CATSPERD: variants seen among roughly 807,000 people sequenced by gnomAD.
The protein encoded by CATSPERD is catsper channel auxiliary subunit delta.
A neutral mutation model predicts 98.1 loss-of-function variants in CATSPERD; 86 were observed. That is an observed-to-expected ratio of 0.88 (90% CI 0.74 to 1.05). The LOEUF (loss-of-function observed/expected upper bound fraction) is 1.05, where lower values mean the gene tolerates loss of function less well. Among genes scored for constraint, CATSPERD ranks in the 50% least tolerant of loss-of-function variants. CATSPERD has a pLI of 0.00. For missense variants in CATSPERD, 995 were observed against 1,005.7 expected (o/e 0.99, Z 0.14); for synonymous variants, 394 against 390.2 (o/e 1.01, Z -0.12).
At chr19:5,757,683 T>G (rs1014499810) in intron 13 of CATSPERD, among the ~76,000 whole-genome samples, 160 bp from the exon 14 acceptor site, 1 of 149,386 alleles carries the variant, frequency 6.7e-6, no homozygotes, top group Non-Finnish European at 1.5e-5. Flanking sequence ...TCAAGCAGTC[T>G]TCTCACCTTG....
At chr19:5,760,398 CA>C (rs71172763) in intron 15 of CATSPERD, among the ~76,000 whole-genome samples, 16,609 of 138,734 alleles carry the variant, frequency 0.12, 933 homozygotes, top group East Asian at 0.18. Context: ...AACTCGTTCT[CA>C]AAAAAAAAAA....
chr19:5,773,801 C>T (rs1410717216), intron 20 of CATSPERD, among the ~76,000 whole-genome samples: 2 of 151,166 alleles, frequency 1.3e-5, no homozygotes, highest in Middle Eastern at 3.4e-3. Context: ...TAAGTCACCA[C>T]GCTCAGCCTC....
At chr19:5,740,427 A>G (rs1428470289) in intron 7 of CATSPERD, among the ~76,000 whole-genome samples, 1 of 151,614 alleles carries the variant, frequency 6.6e-6, no homozygotes. Context: ...ATCTCTACTA[A>G]AAATACAAAA....
intron 2 of CATSPERD, 33 bp downstream of exon 2, chr19:5,724,895 CT>C (rs1410268748): frequency 6.2e-7 from 1 of 1,606,586 alleles, no homozygotes; most frequent in African/African-American, 1.3e-5. Context: ...TCATCCTTCA[CT>C]TTTGTCTAAG....
intron 3 of CATSPERD, among the ~76,000 whole-genome samples, chr19:5,728,241 C>G (rs1382898702): frequency 1.3e-5 from 2 of 151,374 alleles, no homozygotes; most frequent in East Asian, 1.9e-4. Flanking sequence ...GCCTGTAGTC[C>G]CAGCTACTCG....
intron 14 of CATSPERD, among the ~76,000 whole-genome samples, chr19:5,758,573 CAAA>C (rs71172762): frequency 2.7e-4 from 30 of 109,642 alleles, no homozygotes; most frequent in South Asian, 3.0e-4. Context: ...ACTAAAAATA[CAAA>C]AAAAAAAAAA....
intron 11 of CATSPERD, among the ~76,000 whole-genome samples, 165 bp from the exon 12 acceptor site, chr19:5,751,482 C>T (rs1355193696): frequency 8.4e-6 from 1 of 118,960 alleles, no homozygotes; most frequent in South Asian, 2.9e-4. Context: ...TGCAGTGAAC[C>T]GAGATGGCGC....
chr19:5,732,553 C>T lies in CATSPERD; in HGVS notation c.277-1303C>T, dbSNP rs186688758. Reference sequence around the variant, plus strand: ...GTTCACACCATTCTCCTCCCTCAGCCTCCCGAGTAGCTGGGACTACAGGCG... The same window carrying T: ...GTTCACACCATTCTCCTCCCTCAGCTTCCCGAGTAGCTGGGACTACAGGCG... On this transcript the variant is annotated intron_variant, in intron 4 of 21. Coordinates refer to ENST00000381624, the MANE Select transcript of CATSPERD (RefSeq NM_152784.4). 4.1e-3 allele frequency among the ~76,000 whole-genome samples: 626 copies of T among 152,228 alleles called. 2 individuals are homozygous for T. Among genetic ancestry groups the T allele is most frequent in the Non-Finnish European group, 7.2e-3 (492 of 68,016 alleles).
chr19:5,745,253 A>G (rs976087150), intron 8 of CATSPERD, among the ~76,000 whole-genome samples: 5 of 150,832 alleles, frequency 3.3e-5, no homozygotes, highest in East Asian at 2.1e-4. Flanking sequence ...GCCTGGCCCA[A>G]TGGTACCATT....
chr19:5,757,806 G>A (rs760600390), intron 13 of CATSPERD, 37 bp from the exon 14 acceptor site: 1 of 1,551,422 alleles, frequency 6.4e-7, no homozygotes, highest in Non-Finnish European at 8.9e-7. Context: ...CTGCCTGCTG[G>A]CTCCGTACAG....
At chr19:5,747,464 G>A (rs900202985) in intron 9 of CATSPERD, among the ~76,000 whole-genome samples, 3 of 151,944 alleles carry the variant, frequency 2.0e-5, no homozygotes, top group South Asian at 2.1e-4. Flanking sequence ...CACCAAACCC[G>A]GCCTGTTTTA....
intron 12 of CATSPERD, among the ~76,000 whole-genome samples, chr19:5,752,534 G>A (rs996240575): frequency 2.6e-5 from 4 of 151,966 alleles, no homozygotes; most frequent in African/African-American, 7.2e-5. Context: ...GATAGTATTC[G>A]TCACCAATAA....
rs143453547 is a variant in CATSPERD at position 5,735,373 on chromosome 19, C to T, written c.391+1403C>T. Among the ~76,000 whole-genome samples the T allele has an allele frequency of 3.3e-3, 498 of 152,226 alleles. 10 individuals are homozygous for T. The highest frequency in any genetic ancestry group is 0.03 in the Admixed American group (462 of 15,266). ...TTGCCCAGGCTGGAGTGCGATCGCA[C>T]GATCTCAGCTCATTGCACCCTCTGC... On this transcript the variant is annotated intron_variant, in intron 5 of 21. Transcript: ENST00000381624.
At chr19:5,768,521 A>G (rs1278475271) in intron 18 of CATSPERD, among the ~76,000 whole-genome samples, 3 of 151,846 alleles carry the variant, frequency 2.0e-5, no homozygotes, top group African/African-American at 7.3e-5. Flanking sequence ...TATTTTTAGT[A>G]GAGATGAGGT....
At chr19:5,735,142 C>T (rs747619527) in intron 5 of CATSPERD, among the ~76,000 whole-genome samples, 9 of 152,036 alleles carry the variant, frequency 5.9e-5, no homozygotes, top group Non-Finnish European at 1.3e-4. Context: ...AAAAACCTTA[C>T]TTTTCTTTTT....
At chr19:5,720,989 T>G (rs1053208823) in intron 1 of CATSPERD, among the ~76,000 whole-genome samples, 181 bp downstream of exon 1, 1 of 147,528 alleles carries the variant, frequency 6.8e-6, no homozygotes, top group African/African-American at 2.5e-5. Flanking sequence ...GATATTAAGC[T>G]CTCCTACCTC....
intron 17 of CATSPERD, among the ~76,000 whole-genome samples, chr19:5,766,579 AT>A (rs74634772): frequency 0.27 from 41,477 of 152,002 alleles, 6,933 homozygotes; most frequent in Admixed American, 0.38. Flanking sequence ...ACTTTCGATT[AT>A]TTAGTTTTGT....
chr19:5,744,699 C>T lies in CATSPERD; in HGVS notation c.657+189C>T, dbSNP rs527845218. 1.1e-3 allele frequency among the ~76,000 whole-genome samples: 172 copies of T among 152,066 alleles called. 2 individuals carry two copies. Among genetic ancestry groups the T allele is most frequent in the African/African-American group, 3.7e-3 (154 of 41,496 alleles). ...CACTGCAACCTCCACCTTTCAACTTCAAGCAATTCTCCTGCCTCAGCCTCC... is the reference window on the plus strand; with the variant it reads ...CACTGCAACCTCCACCTTTCAACTTTAAGCAATTCTCCTGCCTCAGCCTCC... On this transcript the variant is annotated intron_variant, in intron 8 of 21. Transcript: ENST00000381624.
At chr19:5,751,626 C>A in intron 11 of CATSPERD, 21 bp from the exon 12 acceptor site, 1 of 1,413,562 alleles carries the variant, frequency 7.1e-7, no homozygotes, top group South Asian at 1.4e-5. Context: ...GATTAGATCT[C>A]AGGAATCATT....
Sources: gnomAD v4.1 joint callset for allele counts (sites outside exome capture counted in the v4.1 genomes callset) on GRCh38, gnomAD v4.1.1 for gene constraint, MANE v1.5 for transcripts, NCBI Gene and HGNC (gene_info 2026-07-23, HGNC 2026-07-21) for gene names.